The following EPS8 variants were observed in gnomAD, a reference collection of about 807,000 sequenced individuals.
The protein encoded by EPS8 is EGFR pathway substrate 8, signaling adaptor.
Under a neutral mutation model 103.8 loss-of-function variants are expected in EPS8, and 42 were observed. The observed-to-expected ratio is 0.40, with a 90% CI of 0.32 to 0.52. EPS8 has a LOEUF of 0.52. Among genes scored for constraint, EPS8 ranks in the 20% least tolerant of loss-of-function variants. The pLI is 0.40. For synonymous variants in EPS8, 344 were observed against 344.6 expected (o/e 1.00, Z 0.02); for missense variants, 969 against 1,005.1 (o/e 0.96, Z 0.49).
intron 8 of EPS8, among the ~76,000 whole-genome samples, chr12:15,664,174 A>G (rs1215901469): frequency 2.0e-5 from 3 of 151,566 alleles, no homozygotes; most frequent in African/African-American, 7.3e-5. Flanking sequence ...AATACAATAA[A>G]TTACTGTCTT....
At chr12:15,724,651 G>A (rs1565518942) in intron 1 of EPS8, among the ~76,000 whole-genome samples, 1 of 152,098 alleles carries the variant, frequency 6.6e-6, no homozygotes, top group Non-Finnish European at 1.5e-5. Flanking sequence ...GGACCTGGTG[G>A]GAGATAACTG....
chr12:15,715,665 T>C (rs1946524833), intron 1 of EPS8, among the ~76,000 whole-genome samples: 1 of 151,860 alleles, frequency 6.6e-6, no homozygotes, highest in Non-Finnish European at 1.5e-5. Flanking sequence ...TTTTTTGTGT[T>C]TTTAATAGAG....
rs377178132 is a variant in EPS8, at chr12:15,667,965, T to C, written c.516+1422A>G. ...CAGAAACTTTTCACAGCATAGTAAC[T>C]TTTAGCTCCCGGGGGGGGCTTTTTA... On this transcript the variant is annotated intron_variant, in intron 6 of 20. Coordinates refer to ENST00000281172, the MANE Select transcript of EPS8 (RefSeq NM_004447.6). Among the ~76,000 whole-genome samples the C allele has an allele frequency of 5.3e-5, 8 of 152,260 alleles. No homozygotes were observed. In the East Asian group the frequency reaches 7.7e-4, roughly 15 times the overall value.
intron 1 of EPS8, among the ~76,000 whole-genome samples, chr12:15,737,023 A>T (rs1292746103): frequency 6.6e-6 from 1 of 152,192 alleles, no homozygotes; most frequent in East Asian, 1.9e-4. Context: ...TGAAAAGCAC[A>T]CTATTAGGTA....
At chr12:15,718,650 G>A (rs957004396) in intron 1 of EPS8, among the ~76,000 whole-genome samples, 4 of 152,132 alleles carry the variant, frequency 2.6e-5, no homozygotes, top group African/African-American at 9.7e-5. Flanking sequence ...AGCTTGATGA[G>A]TGCATATCAA....
At position 15,761,566 on chromosome 12, in the gene EPS8, G is replaced by A. The variant is rs1947041552; in HGVS notation, c.-22+27595C>T. On this transcript the variant is annotated intron_variant, in intron 1 of 20. Transcript: ENST00000281172. This position sits in a 1 kb window ranked among gnomAD's most constrained non-coding sequence, Gnocchi z 4.5. The stretch of plus-strand genomic sequence containing the variant: ...GGAGCTATAGTAACCAAAAAGGCAT[G>A]GAACTGGAATAAAAACAGACACATA... Among the ~76,000 whole-genome samples, 1 of 152,000 alleles carries A rather than the reference G, an allele frequency of 6.6e-6. No homozygotes were observed. The highest frequency in any genetic ancestry group is 1.5e-5 in the Non-Finnish European group (1 of 67,976).
In EPS8 at chr12:15,631,338, A is replaced by C. The variant is rs145031922; in HGVS notation, c.2044+104T>G. 6.7e-4 allele frequency: 996 copies of C among 1,493,366 alleles called. 9 individuals are homozygous for C. The African/African-American group carries it at 0.012, about 18-fold the overall frequency. 92.5% of individuals were successfully genotyped at this position (1,493,366 alleles called of 1,614,324 possible). A position where few individuals can be genotyped will look rare whatever the true frequency, so the allele number is the denominator to read the frequency against. On this transcript the variant is annotated intron_variant, in intron 18 of 20. Coordinates refer to ENST00000281172, the MANE Select transcript of EPS8 (RefSeq NM_004447.6). Reference sequence around the variant, plus strand: ...TTTGCAATCTATTAAGTACCATGCAAGTATAAAGGACTTTAATACAAGTAG... The same window carrying C: ...TTTGCAATCTATTAAGTACCATGCACGTATAAAGGACTTTAATACAAGTAG...
intron 1 of EPS8, among the ~76,000 whole-genome samples, chr12:15,708,913 T>C (rs1946423875): frequency 6.6e-6 from 1 of 152,228 alleles, no homozygotes. Context: ...ATTGAGCCAC[T>C]ATGCAACATG....
chr12:15,686,755 T>C (rs1946101399), intron 1 of EPS8, among the ~76,000 whole-genome samples: 1 of 152,202 alleles, frequency 6.6e-6, no homozygotes, highest in South Asian at 2.1e-4. Flanking sequence ...TTGCATCTCA[T>C]ATCAATTTTC....
chr12:15,773,946 A>C (rs1175697487), intron 1 of EPS8, among the ~76,000 whole-genome samples: 8 of 152,050 alleles, frequency 5.3e-5, no homozygotes. Context: ...AACATAATCA[A>C]TTTCATGCAT....
intron 1 of EPS8, among the ~76,000 whole-genome samples, chr12:15,744,718 A>G (rs2136010923): frequency 6.6e-6 from 1 of 152,386 alleles, no homozygotes; most frequent in East Asian, 1.9e-4. Flanking sequence ...TTAAGTAATT[A>G]TAACACAGTA....
chr12:15,648,760 G>T (rs962335375), intron 14 of EPS8, among the ~76,000 whole-genome samples: 1 of 152,164 alleles, frequency 6.6e-6, no homozygotes, highest in African/African-American at 2.4e-5. Flanking sequence ...TACTGAAAGG[G>T]AGAAGAGAAA....
At chr12:15,703,360 T>C (rs1946337444) in intron 1 of EPS8, among the ~76,000 whole-genome samples, 1 of 152,180 alleles carries the variant, frequency 6.6e-6, no homozygotes, top group African/African-American at 2.4e-5. Context: ...ATGAACAATG[T>C]ACTAGGAAAG....
chr12:15,647,976 C>T (rs1945349058), intron 14 of EPS8, among the ~76,000 whole-genome samples: 1 of 152,226 alleles, frequency 6.6e-6, no homozygotes, highest in Admixed American at 6.5e-5. Context: ...ATTAGATTCT[C>T]ATAAGAAGCG....
chr12:15,621,985 G>A (rs190984028), intron 20 of EPS8, among the ~76,000 whole-genome samples: 2 of 152,112 alleles, frequency 1.3e-5, no homozygotes. Flanking sequence ...GTAGAAGGTG[G>A]CTGAGGAACA....
chr12:15,754,488 AG>A (rs543133167), intron 1 of EPS8, among the ~76,000 whole-genome samples: 81 of 152,312 alleles, frequency 5.3e-4, no homozygotes, highest in Middle Eastern at 3.4e-3. Context: ...AGCTGATCTG[AG>A]GATTTAGTAG....
Position 15,695,670 on chromosome 12 carries a change from G to A in EPS8, c.-21-12698C>T, listed in dbSNP as rs1946233295. On this transcript the variant is annotated intron_variant, in intron 1 of 20. Transcript: ENST00000281172. This position sits in a 1 kb window ranked among gnomAD's most constrained non-coding sequence, Gnocchi z 5.0. ...CATGGAGCTTACAATCTAGAGGGAG[G>A]AGAGCATGAAATAAGAAAATGAGGC... Among the ~76,000 whole-genome samples the A allele has an allele frequency of 6.6e-6, 1 of 152,120 alleles. No individual in the cohort carries two copies. Among genetic ancestry groups the A allele is most frequent in the Admixed American group, 6.6e-5 (1 of 15,262 alleles).
At chr12:15,766,446 C>T (rs1247562350) in intron 1 of EPS8, among the ~76,000 whole-genome samples, 2 of 148,470 alleles carry the variant, frequency 1.3e-5, no homozygotes, top group South Asian at 2.1e-4. Flanking sequence ...TGAGCCGAGC[C>T]GAGATTGCGC....
rs6488795 is a variant in EPS8 at position 15,701,113 on chromosome 12, T to C, written c.-21-18141A>G. 0.85 allele frequency among the ~76,000 whole-genome samples: 129,066 copies of C among 152,242 alleles called. 58,732 individuals carry two copies. Among genetic ancestry groups the C allele is most frequent in the Non-Finnish European group, 1 (67,838 of 68,040 alleles). On this transcript the variant is annotated intron_variant, in intron 1 of 20. Transcript: ENST00000281172. This position sits in a 1 kb window ranked among gnomAD's most constrained non-coding sequence, Gnocchi z 5.1. ...TTAACTAATATCTTTGGCTTCAAAA[T>C]AGTCACTTTTTTAAAAGGTAATTCT...
Sources: allele counts gnomAD v4.1 joint callset (sites outside exome capture counted in the v4.1 genomes callset), GRCh38; gene constraint gnomAD v4.1.1; non-coding constraint Gnocchi (gnomAD v3.1); transcripts MANE v1.5; gene names NCBI Gene and HGNC (gene_info 2026-07-23, HGNC 2026-07-21).